ZSWIM6: variants seen among roughly 807,000 people sequenced by gnomAD.
The protein encoded by ZSWIM6 is zinc finger SWIM domain-containing protein 6.
In ZSWIM6, 9 loss-of-function variants were observed where a neutral mutation model predicts 113.2. The observed-to-expected ratio is 0.08, with a 90% confidence interval of 0.05 to 0.14. The LOEUF is 0.14. ZSWIM6 is among the 10% of genes least tolerant of loss of function. ZSWIM6 has a pLI of 1.00. For missense variants in ZSWIM6, 1,162 were observed against 1,552.2 expected, an observed-to-expected ratio of 0.75 and a Z score of 4.22; for synonymous variants, 611 against 606.5, an observed-to-expected ratio of 1.01 and a Z score of -0.11.
chr5:61,527,396 A>G (rs1351948849), intron 7 of ZSWIM6, among the ~76,000 whole-genome samples: 1 of 152,226 alleles, frequency 6.6e-6, no homozygotes, highest in Non-Finnish European at 1.5e-5. Context: ...TTATACACAT[A>G]CTAGAGTATA....
chr5:61,541,199 T>C (rs1202339036), intron 12 of ZSWIM6, among the ~76,000 whole-genome samples: 2 of 152,006 alleles, frequency 1.3e-5, no homozygotes, highest in African/African-American at 4.8e-5. Flanking sequence ...CGCCTCAGCC[T>C]CCCAAATTGC....
chr5:61,543,811 A>G lies in ZSWIM6; in HGVS notation c.3142A>G (p.Lys1048Glu). The change falls in exon 14 of 14, where the codon AAG (lysine) becomes GAG (glutamate). Residue 1048 changes from lysine to glutamate, a missense_variant. Physicochemically the swap from Lys to Glu is moderately conservative, Grantham distance 56. Around this residue, in one of 4 missense-constraint regions of ZSWIM6, gnomAD observed 620 missense variants for 804.6 expected, o/e 0.77. Transcript: ENST00000252744. The surrounding 1 kb of genome is among the most constrained non-coding windows in gnomAD (Gnocchi z 4.3). ...CCGCGGGTACCCCATGAGGGCCTAC[A>G]AGCTGGCCACCCTGGCCATGACCCA... ...EHRGYPMRAY[K>E]LATLAMTHLN... The G allele has an allele frequency of 6.4e-7, 1 of 1,551,926 alleles. No individual in the cohort carries two copies. The highest frequency in any genetic ancestry group is 8.7e-7 in the Non-Finnish European group (1 of 1,147,044).
intron 4 of ZSWIM6, 39 bp downstream of exon 4, chr5:61,494,449 A>G (rs754435242): frequency 5.8e-6 from 9 of 1,548,782 alleles, no homozygotes; most frequent in African/African-American, 2.7e-5. Flanking sequence ...TGATTTGCAT[A>G]TGGATAAATA....
chr5:61,375,583 T>G (rs1194969106), intron 1 of ZSWIM6: 2 of 1,533,378 alleles, frequency 1.3e-6, no homozygotes, highest in Non-Finnish European at 1.8e-6. Flanking sequence ...TAAGGATAGT[T>G]TAAAAAAGAA....
At chr5:61,520,875 T>C (rs1749097622) in intron 4 of ZSWIM6, among the ~76,000 whole-genome samples, 1 of 152,160 alleles carries the variant, frequency 6.6e-6, no homozygotes, top group Non-Finnish European at 1.5e-5. Flanking sequence ...TGGGATTGTA[T>C]ATGTTATTGG....
In ZSWIM6 at chr5:61,543,937, A is replaced by G. The variant is rs1463195021; in HGVS notation, c.3268A>G (p.Ile1090Val). Residue 1090 changes from isoleucine (I) to valine (V), a missense_variant, in exon 14 of 14, where the codon ATA (isoleucine) becomes GTA (valine). Physicochemically the swap from Ile to Val is conservative, Grantham distance 29. This residue lies in a region of ZSWIM6 where 113 missense variants were observed against 213.8 expected (regional missense o/e 0.53). Coordinates refer to ENST00000252744, the MANE Select transcript of ZSWIM6 (RefSeq NM_020928.2). The surrounding 1 kb of genome is among the most constrained non-coding windows in gnomAD (Gnocchi z 4.3). ...HSLGKNELAAIIPLVVKSVKC... is the reference protein window; with the variant it reads ...HSLGKNELAAVIPLVVKSVKC... Reference sequence around the variant, plus strand: ...CCTTGGTAAAAATGAGCTTGCAGCTATAATACCTCTGGTGGTCAAGAGTGT... The same window carrying G: ...CCTTGGTAAAAATGAGCTTGCAGCTGTAATACCTCTGGTGGTCAAGAGTGT... The G allele has an allele frequency of 8.4e-6, 13 of 1,551,744 alleles. No homozygotes were observed. Among genetic ancestry groups the G allele is most frequent in the South Asian group, 3.6e-5 (3 of 84,066 alleles).
chr5:61,432,318 TA>T (rs1341138307), intron 1 of ZSWIM6, among the ~76,000 whole-genome samples: 27 of 152,344 alleles, frequency 1.8e-4, no homozygotes, highest in African/African-American at 6.0e-4. Context: ...ATTCAGCTTG[TA>T]AGCCAAGCCA....
intron 4 of ZSWIM6, among the ~76,000 whole-genome samples, chr5:61,509,258 T>C (rs938299284): frequency 6.6e-6 from 1 of 151,874 alleles, no homozygotes; most frequent in Non-Finnish European, 1.5e-5. Context: ...TTATGTAAGA[T>C]TTCACATGGT....
At chr5:61,340,377 A>G (rs2112025686) in intron 1 of ZSWIM6, among the ~76,000 whole-genome samples, 1 of 152,348 alleles carries the variant, frequency 6.6e-6, no homozygotes, top group South Asian at 2.1e-4. Flanking sequence ...TGATGTCCAC[A>G]GGTGAACAGA....
chr5:61,399,330 T>C (rs1462387233), intron 1 of ZSWIM6, among the ~76,000 whole-genome samples: 1 of 151,854 alleles, frequency 6.6e-6, no homozygotes, highest in Non-Finnish European at 1.5e-5. Context: ...GATTAAATCC[T>C]AATATGTGAC....
intron 1 of ZSWIM6, among the ~76,000 whole-genome samples, chr5:61,335,511 G>C (rs747590569): frequency 3.3e-5 from 5 of 152,116 alleles, no homozygotes; most frequent in African/African-American, 1.2e-4. Flanking sequence ...TTCAAGTAGT[G>C]GTTTGAATTG....
At chr5:61,406,862 G>T (rs1420919105) in intron 1 of ZSWIM6, among the ~76,000 whole-genome samples, 1 of 152,048 alleles carries the variant, frequency 6.6e-6, no homozygotes, top group Non-Finnish European at 1.5e-5. Flanking sequence ...ACAGGTGCCT[G>T]CCACCATGCC....
intron 7 of ZSWIM6, 64 bp from the exon 8 acceptor site, chr5:61,529,988 C>G: frequency 7.2e-7 from 1 of 1,385,478 alleles, no homozygotes. Context: ...CCTCTGTTTT[C>G]CCCACTTCTT....
intron 9 of ZSWIM6, among the ~76,000 whole-genome samples, chr5:61,533,274 A>G (rs1334307986): frequency 6.6e-6 from 1 of 152,228 alleles, no homozygotes; most frequent in Non-Finnish European, 1.5e-5. Context: ...AAATGCTAGA[A>G]GATTGAGAAC....
intron 1 of ZSWIM6, among the ~76,000 whole-genome samples, chr5:61,334,750 T>G (rs1421878812): frequency 6.6e-6 from 1 of 152,072 alleles, no homozygotes; most frequent in Admixed American, 6.6e-5. Flanking sequence ...CAAATCTAAT[T>G]AACATTCTTC....
intron 1 of ZSWIM6, among the ~76,000 whole-genome samples, chr5:61,366,387 C>G (rs1048569700): frequency 7.9e-5 from 12 of 152,150 alleles, no homozygotes; most frequent in African/African-American, 2.9e-4. Flanking sequence ...ATGTGTAGGT[C>G]TGAAATGTGT....
At chr5:61,517,330 T>C (rs1748975667) in intron 4 of ZSWIM6, among the ~76,000 whole-genome samples, 1 of 152,148 alleles carries the variant, frequency 6.6e-6, no homozygotes, top group Non-Finnish European at 1.5e-5. Context: ...GTTGTTTTTC[T>C]CTCTTTTCTT....
In ZSWIM6 at chr5:61,521,327, A is replaced by G. The variant is rs1162462159; in HGVS notation, c.1398A>G (p.Leu466=). ...AGTTGGAGCAAAAGGCCAGTTGGCT[A>G]AAACAGCTGAAGAAATGGAATAGTG... is the stretch of plus-strand genomic sequence containing the variant. The part of the protein sequence containing the change: ...HCKLEQKASW[L]KQLKKWNSVD... The change falls in exon 5 of 14, where the codon CTA becomes CTG. Residue 466 remains leucine, a synonymous_variant. Transcript: ENST00000252744. 1.3e-6 allele frequency: 2 copies of G among 1,524,348 alleles called. No homozygotes were observed. The highest frequency in any genetic ancestry group is 1.4e-5 in the African/African-American group (1 of 71,248). The allele number at this position is 1,524,348 out of a possible 1,614,324, so 94.4% of individuals were successfully genotyped here. A position where few individuals can be genotyped will look rare whatever the true frequency, so the allele number is the denominator to read the frequency against.
intron 1 of ZSWIM6, among the ~76,000 whole-genome samples, chr5:61,346,770 A>G (rs1744667611): frequency 6.6e-6 from 1 of 152,218 alleles, no homozygotes; most frequent in Non-Finnish European, 1.5e-5. Flanking sequence ...GCAACTTACT[A>G]AAGAGGCATT....
Sources: allele counts gnomAD v4.1 joint callset (sites outside exome capture counted in the v4.1 genomes callset), GRCh38; gene constraint gnomAD v4.1.1; regional missense constraint gnomAD v4.1.1; non-coding constraint Gnocchi (gnomAD v3.1); transcripts MANE v1.5; gene names NCBI Gene and HGNC (gene_info 2026-07-23, HGNC 2026-07-21).